Variants in ANAPC2 observed in about 807,000 individuals in gnomAD.
ANAPC2 encodes the protein anaphase-promoting complex subunit 2.
In ANAPC2, 29 loss-of-function variants were observed where a neutral mutation model predicts 84.3. That is an observed-to-expected ratio of 0.34 (90% CI 0.26 to 0.47). The LOEUF is 0.47. Ranked by LOEUF, ANAPC2 falls within the 20% of genes least tolerant of loss-of-function variation. ANAPC2 has a pLI of 1.00. For synonymous variants in ANAPC2, 571 were observed against 479.4 expected (o/e 1.19, Z -2.50); for missense variants, 857 against 1,131.7 (o/e 0.76, Z 3.48).
chr9:137,177,354 G>C (rs1834245122), intron 10 of ANAPC2, among the ~76,000 whole-genome samples: 1 of 151,194 alleles, frequency 6.6e-6, no homozygotes, highest in Non-Finnish European at 1.5e-5. Context: ...GTGGGAATGT[G>C]TATGCTTGTC....
At chr9:137,182,947 C>A (rs1834375418) in intron 6 of ANAPC2, among the ~76,000 whole-genome samples, 178 bp downstream of exon 6, 1 of 152,224 alleles carries the variant, frequency 6.6e-6, no homozygotes, top group African/African-American at 2.4e-5. Context: ...GGACAGGTGC[C>A]CGGCACGGGC....
At chr9:137,186,054 G>A (rs889062946) in intron 3 of ANAPC2, among the ~76,000 whole-genome samples, 170 bp downstream of exon 3, 2 of 152,188 alleles carry the variant, frequency 1.3e-5, no homozygotes, top group African/African-American at 2.4e-5. Context: ...GCTATCACCA[G>A]GGCCCAGAAG....
chr9:137,180,317 T>C lies in ANAPC2; in HGVS notation c.1754A>G (p.Glu585Gly). 2.5e-6 allele frequency: 4 copies of C among 1,613,308 alleles called. No homozygotes were observed. The highest frequency in any genetic ancestry group is 3.4e-6 in the Non-Finnish European group (4 of 1,180,002). The change falls in exon 10 of 13, where the codon GAG becomes GGG. Residue 585 changes from glutamate (E) to glycine (G), a missense_variant. Coordinates refer to ENST00000323927, the MANE Select transcript of ANAPC2 (RefSeq NM_013366.4). Reference sequence around the variant, plus strand: ...AGCGTAGACCCCGAACGGTGGCTGCTCCTCTGCTGGCCGCTTCTCATCCTC... The same window carrying C: ...AGCGTAGACCCCGAACGGTGGCTGCCCCTCTGCTGGCCGCTTCTCATCCTC... ...REEDEKRPAE[E>G]QPPFGVYAVI...
At chr9:137,179,639 C>G (rs1834297841) in intron 10 of ANAPC2, among the ~76,000 whole-genome samples, 1 of 152,256 alleles carries the variant, frequency 6.6e-6, no homozygotes, top group East Asian at 1.9e-4. Context: ...CCACCACAGA[C>G]CCATAGCCCC....
chr9:137,175,506 T>C (rs1226374994), intron 11 of ANAPC2, 34 bp from the exon 12 acceptor site: 1 of 1,520,436 alleles, frequency 6.6e-7, no homozygotes, highest in African/African-American at 1.4e-5. Context: ...CTGGGCAGCC[T>C]GGGCACGGGC....
At chr9:137,180,764 T>C (rs1264154287) in intron 8 of ANAPC2, 24 bp downstream of exon 8, 17 of 1,603,982 alleles carry the variant, frequency 1.1e-5, no homozygotes, top group Non-Finnish European at 1.4e-5. Flanking sequence ...CCCCTGGAGA[T>C]GGCCAGCGCG....
At chr9:137,184,852 G>C (rs1834426369) in intron 4 of ANAPC2, 61 bp downstream of exon 4, 1 of 1,579,782 alleles carries the variant, frequency 6.3e-7, no homozygotes. Flanking sequence ...GGAGACACGG[G>C]GAAGGCCCTG....
Position 137,188,145 on chromosome 9 carries a change from G to C in ANAPC2, c.118-42C>G, listed in dbSNP as rs11790251. ...CGTGAGGCGAGGGGAACACAACATA[G>C]AGGTGGGGAGAGGCGGGGAAGGGAA... On this transcript the variant is annotated intron_variant, in intron 1 of 12. Coordinates refer to ENST00000323927, the MANE Select transcript of ANAPC2 (RefSeq NM_013366.4). The C allele has an allele frequency of 5.3e-5, 84 of 1,578,028 alleles. No homozygotes were observed. In the African/African-American group the frequency reaches 7.8e-4, roughly 15 times the overall value.
chr9:137,185,053 A>G lies in ANAPC2; in HGVS notation c.908T>C (p.Val303Ala). Residue 303 changes from valine (V) to alanine (A), a missense_variant, in exon 4 of 13, where the codon GTG (valine) becomes GCG (alanine). Physicochemically the swap from Val to Ala is moderately conservative, Grantham distance 64. This residue lies in a region of ANAPC2 where 428 missense variants were observed against 513.8 expected (regional missense o/e 0.83). Transcript: ENST00000323927. Reference sequence around the variant, plus strand: ...CCTGGCGGGGCCGTCCTGCAGGAACACCTTGCCGAGCCAGCCGACCACCCG... The same window carrying G: ...CCTGGCGGGGCCGTCCTGCAGGAACGCCTTGCCGAGCCAGCCGACCACCCG... Reference protein sequence around the residue: ...IERVVGWLGKVFLQDGPARPA... With the variant: ...IERVVGWLGKAFLQDGPARPA... 1.3e-6 allele frequency: 2 copies of G among 1,553,064 alleles called. No individual in the cohort carries two copies. The highest frequency in any genetic ancestry group is 4.8e-5 in the East Asian group (2 of 41,248).
At position 137,175,813 on chromosome 9, in the gene ANAPC2, G is replaced by A. The variant is rs767211802; in HGVS notation, c.1915C>T (p.His639Tyr). The change falls in exon 11 of 13, where the codon CAC becomes TAC. Residue 639 changes from histidine to tyrosine, a missense_variant. Around this residue, in one of 3 missense-constraint regions of ANAPC2, gnomAD observed 425 missense variants for 595.5 expected, o/e 0.71. Coordinates refer to ENST00000323927, the MANE Select transcript of ANAPC2 (RefSeq NM_013366.4). ...TCCATGGTCACCAGGCCCAGGGTGT[G>A]CTTCCAACTGAGGGTCCGCATGGCC... ...LKAMRTLSWK[H>Y]TLGLVTMDVE... 1 of 1,608,562 alleles carries A rather than the reference G, an allele frequency of 6.2e-7. No homozygotes were observed. Among genetic ancestry groups the A allele is most frequent in the South Asian group, 1.1e-5 (1 of 90,254 alleles).
At position 137,185,872 on chromosome 9, in the gene ANAPC2, C is replaced by G. The variant is rs115336017; in HGVS notation, c.873+352G>C. 1.2e-3 allele frequency among the ~76,000 whole-genome samples: 179 copies of G among 152,290 alleles called. 2 individuals are homozygous for G. The highest frequency in any genetic ancestry group is 4.1e-3 in the African/African-American group (169 of 41,544). ...TCCATTAGGGACCGGCCAAGCGAGT[C>G]CACACTCAAGTAGGGCAGCAAACAG... On this transcript the variant is annotated intron_variant, in intron 3 of 12. Coordinates refer to ENST00000323927, the MANE Select transcript of ANAPC2 (RefSeq NM_013366.4).
At chr9:137,184,157 C>T (rs1427405370) in intron 4 of ANAPC2, among the ~76,000 whole-genome samples, 2 of 152,354 alleles carry the variant, frequency 1.3e-5, no homozygotes, top group Admixed American at 1.3e-4. Flanking sequence ...CCTGCAAGAG[C>T]GACAGCGAAG....
intron 10 of ANAPC2, chr9:137,176,803 G>C (rs1161185716): frequency 6.6e-6 from 1 of 152,282 alleles, no homozygotes; most frequent in South Asian, 2.1e-4. Flanking sequence ...GGGACCTGCA[G>C]CTGATGAGCC....
intron 5 of ANAPC2, 111 bp downstream of exon 5, chr9:137,183,561 C>G: frequency 6.9e-7 from 1 of 1,459,524 alleles, no homozygotes; most frequent in Non-Finnish European, 9.1e-7. Context: ...CCATTTCTTC[C>G]TTAGACCTAC....
chr9:137,186,304 G>A lies in ANAPC2; in HGVS notation c.793C>T (p.Leu265=), dbSNP rs1834467731. 3 of 1,612,052 alleles carry A rather than the reference G, an allele frequency of 1.9e-6. No homozygotes were observed. Among genetic ancestry groups the A allele is most frequent in the African/African-American group, 1.3e-5 (1 of 75,044 alleles). The stretch of plus-strand genomic sequence containing the variant: ...ATCCTCTCCCGGGTCACCTGGTGCA[G>A]GGTGGTGGTCACAGCCTCGGCACTG... ...RVSAEAVTTT[L]HQVTRERMED... Residue 265 remains leucine, a synonymous_variant, in exon 3 of 13, where the codon CTG becomes TTG. Transcript: ENST00000323927.
rs1241458313 is a variant in ANAPC2, at chr9:137,180,928, C to T, written c.1470G>A (p.Gly490=). 5.0e-6 allele frequency: 8 copies of T among 1,612,924 alleles called. No individual in the cohort carries two copies. The highest frequency in any genetic ancestry group is 1.3e-5 in the African/African-American group (1 of 74,944). ...ATGAACGCCGCTTGGAGCTCGACTT[C>T]CCTGGCATGGTGGGGGCAGGGGTGT... ...WVPDPVDADP[G]KSSSKRRSSD... is the part of the protein sequence containing the mutation. Residue 490 remains glycine, a splice_region_variant and synonymous_variant, in exon 8 of 13, where the codon GGG becomes GGA. Transcript: ENST00000323927.
In ANAPC2 at chr9:137,175,395, G is replaced by C; in HGVS notation, c.2098C>G (p.Leu700Val). 1 of 1,609,578 alleles carries C rather than the reference G, an allele frequency of 6.2e-7. No individual in the cohort carries two copies. ...ALLRRRMSVW[L>V]QQGVLREEPP... ...TCCTCACGCAGCACACCCTGCTGCA[G>C]CCACACGGACATCCGCCGCCGCAGC... The change falls in exon 12 of 13, where the codon CTG becomes GTG. Residue 700 changes from leucine (L) to valine (V), a missense_variant. Leu to Val is a conservative substitution (Grantham distance 32). Around this residue, in one of 3 missense-constraint regions of ANAPC2, gnomAD observed 425 missense variants for 595.5 expected, o/e 0.71. Coordinates refer to ENST00000323927, the MANE Select transcript of ANAPC2 (RefSeq NM_013366.4).
At chr9:137,188,277 C>A in intron 1 of ANAPC2, 139 bp downstream of exon 1, 1 of 1,295,194 alleles carries the variant, frequency 7.7e-7, no homozygotes. Flanking sequence ...CGAAACGAAA[C>A]GGAAAGGTGG....
At chr9:137,187,179 G>C in intron 2 of ANAPC2, 1 of 394,272 alleles carries the variant, frequency 2.5e-6, no homozygotes, top group Non-Finnish European at 4.6e-6. Flanking sequence ...ATCGACAAAA[G>C]GCACAGTGGA....
Sources: gnomAD v4.1 joint callset for allele counts (sites outside exome capture counted in the v4.1 genomes callset) on GRCh38, gnomAD v4.1.1 for gene constraint, gnomAD v4.1.1 regional missense constraint, MANE v1.5 for transcripts, NCBI Gene and HGNC (gene_info 2026-07-23, HGNC 2026-07-21) for gene names.